Variants in WDR17 observed in about 807,000 individuals in gnomAD.
The protein encoded by WDR17 is WD repeat-containing protein 17.
In WDR17, 143 loss-of-function variants were observed where a neutral mutation model predicts 161.7. The observed-to-expected ratio is 0.88, with a 90% CI of 0.77 to 1.02. The LOEUF (loss-of-function observed/expected upper bound fraction) is 1.02, where lower values mean the gene tolerates loss of function less well. WDR17 is among the 50% of genes least tolerant of loss of function. The probability of loss-of-function intolerance (pLI) is 0.00; values close to 1 mark genes in which losing one functional copy is unlikely to be tolerated. For synonymous variants in WDR17, 517 were observed against 515.6 expected (o/e 1.00, Z -0.04); for missense variants, 1,469 against 1,520.9 (o/e 0.97, Z 0.57).
chr4:176,106,490 A>G (rs1240785078), intron 1 of WDR17, among the ~76,000 whole-genome samples: 1 of 152,170 alleles, frequency 6.6e-6, no homozygotes, highest in African/African-American at 2.4e-5. Flanking sequence ...GATCAAAGAC[A>G]CTTAATGTTA....
At chr4:176,121,132 C>A (rs571457578) in intron 4 of WDR17, among the ~76,000 whole-genome samples, 3 of 152,250 alleles carry the variant, frequency 2.0e-5, no homozygotes, top group African/African-American at 7.2e-5. Context: ...TACGTGGGGA[C>A]AGTTTCATTG....
chr4:176,084,463 C>G (rs1346183241), intron 1 of WDR17, among the ~76,000 whole-genome samples: 1 of 152,006 alleles, frequency 6.6e-6, no homozygotes, highest in African/African-American at 2.4e-5. Flanking sequence ...AATACAGACA[C>G]CTTTCCATTA....
chr4:176,078,239 T>TAATA (rs1310274550), intron 1 of WDR17, among the ~76,000 whole-genome samples: 2 of 152,058 alleles, frequency 1.3e-5, no homozygotes, highest in Non-Finnish European at 2.9e-5. Flanking sequence ...TGAATATTTA[T>TAATA]AATAAATAAA....
intron 8 of WDR17, 32 bp downstream of exon 8, chr4:176,135,308 A>T: frequency 1.2e-6 from 2 of 1,605,962 alleles, no homozygotes; most frequent in Admixed American, 1.7e-5. Context: ...TTAGGAATAC[A>T]ATGAAATGGC....
chr4:176,070,816 C>CTGTTTT (rs1023772875), intron 1 of WDR17, among the ~76,000 whole-genome samples: 16 of 152,132 alleles, frequency 1.1e-4, no homozygotes, highest in African/African-American at 2.9e-4. Context: ...GTGACTGGCC[C>CTGTTTT]TGTTTTTGTT....
chr4:176,149,612 A>T (rs1257281821), intron 13 of WDR17, among the ~76,000 whole-genome samples, 195 bp from the exon 14 acceptor site: 1 of 152,158 alleles, frequency 6.6e-6, no homozygotes, highest in Non-Finnish European at 1.5e-5. Flanking sequence ...TTTATAGAAT[A>T]TATAAAATAA....
chr4:176,145,966 A>G lies in WDR17; in HGVS notation c.1530-29A>G, dbSNP rs776823764. ...ATTAGTTATATATCATATTTATCCT[A>G]TGTCAATATTCCATTGATGATATTT... On this transcript the variant is annotated intron_variant, in intron 11 of 28. Transcript: ENST00000508596. 10 of 1,586,508 alleles carry G rather than the reference A, an allele frequency of 6.3e-6. No individual in the cohort carries two copies. The South Asian group carries it at 1.1e-4, about 18-fold the overall frequency.
At chr4:176,076,042 T>G (rs1379281984) in intron 1 of WDR17, among the ~76,000 whole-genome samples, 1 of 151,898 alleles carries the variant, frequency 6.6e-6, no homozygotes, top group African/African-American at 2.4e-5. Flanking sequence ...TCACTGAATT[T>G]GGGAATTTTG....
chr4:176,170,879 A>G (rs1750639469), intron 23 of WDR17, among the ~76,000 whole-genome samples: 1 of 152,222 alleles, frequency 6.6e-6, no homozygotes, highest in East Asian at 1.9e-4. Context: ...GGGTAAATCT[A>G]TCATAAGTCA....
At chr4:176,139,798 C>G in intron 9 of WDR17, 94 bp from the exon 10 acceptor site, 1 of 1,015,738 alleles carries the variant, frequency 9.8e-7, no homozygotes, top group Non-Finnish European at 1.5e-6. Context: ...AAAGCACATT[C>G]CTAACAGAAA....
intron 1 of WDR17, among the ~76,000 whole-genome samples, chr4:176,071,214 A>G (rs1212632285): frequency 6.6e-6 from 1 of 151,726 alleles, no homozygotes; most frequent in Non-Finnish European, 1.5e-5. Context: ...GTATCTTTTT[A>G]TGACAAATAT....
chr4:176,084,343 C>CT (rs1735148975), intron 1 of WDR17, among the ~76,000 whole-genome samples: 1 of 152,100 alleles, frequency 6.6e-6, no homozygotes, highest in South Asian at 2.1e-4. Flanking sequence ...CAGCAAGGAG[C>CT]TGGGGGTGCC....
intron 1 of WDR17, among the ~76,000 whole-genome samples, chr4:176,108,183 G>A (rs7435231): frequency 0.2 from 30,386 of 151,918 alleles, 3,208 homozygotes; most frequent in South Asian, 0.26. Flanking sequence ...ACTTAAAAAT[G>A]GTTAAGAAGT....
intron 1 of WDR17, chr4:176,096,599 A>T (rs777440755): frequency 6.4e-7 from 1 of 1,562,028 alleles, no homozygotes; most frequent in South Asian, 1.2e-5. Flanking sequence ...AGATACATTT[A>T]CTTGTAATTA....
intron 22 of WDR17, among the ~76,000 whole-genome samples, 188 bp downstream of exon 22, chr4:176,163,481 T>C (rs1027151516): frequency 7.2e-5 from 11 of 152,226 alleles, no homozygotes; most frequent in African/African-American, 2.7e-4. Flanking sequence ...GGTTGTATAA[T>C]GAAATTTGCC....
chr4:176,084,357 G>A (rs1384669352), intron 1 of WDR17, among the ~76,000 whole-genome samples: 1 of 152,022 alleles, frequency 6.6e-6, no homozygotes, highest in Non-Finnish European at 1.5e-5. Context: ...GGGTGCCAGG[G>A]TCTTTTTAAC....
At chr4:176,178,789 A>G (rs1561227648) in intron 28 of WDR17, among the ~76,000 whole-genome samples, 1 of 152,246 alleles carries the variant, frequency 6.6e-6, no homozygotes, top group Admixed American at 6.5e-5. Flanking sequence ...CAACAGCTTT[A>G]GAACCTAATT....
intron 1 of WDR17, among the ~76,000 whole-genome samples, chr4:176,089,737 A>G (rs1303125697): frequency 6.6e-6 from 1 of 152,148 alleles, no homozygotes; most frequent in Non-Finnish European, 1.5e-5. Flanking sequence ...GTTTTTGGAC[A>G]GAACTGGGGA....
At chr4:176,107,481 C>G (rs369356337) in intron 1 of WDR17, among the ~76,000 whole-genome samples, 2 of 150,036 alleles carry the variant, frequency 1.3e-5, no homozygotes, top group Non-Finnish European at 3.0e-5. Context: ...ATTTGTACAT[C>G]CGTTTTCATA....
Sources: gnomAD v4.1 joint callset for allele counts (sites outside exome capture counted in the v4.1 genomes callset) on GRCh38, gnomAD v4.1.1 for gene constraint, MANE v1.5 for transcripts, NCBI Gene and HGNC (gene_info 2026-07-23, HGNC 2026-07-21) for gene names.